Variants in C14orf39 observed in about 807,000 individuals in gnomAD.
C14orf39 encodes chromosome 14 open reading frame 39, also known as protein SIX6OS1.
In C14orf39, 66 loss-of-function variants were observed where a neutral mutation model predicts 85.6. The observed-to-expected ratio is 0.77, with a 90% CI of 0.63 to 0.95. C14orf39 has a LOEUF of 0.95. Ranked by LOEUF, C14orf39 falls within the 40% of genes least tolerant of loss-of-function variation. The pLI is 0.00. For synonymous variants in C14orf39, 242 were observed against 214.0 expected (o/e 1.13, Z -1.14); for missense variants, 735 against 663.9 (o/e 1.11, Z -1.18).
At chr14:60,488,365 A>G (rs968502441), upstream of C14orf39, among the ~76,000 whole-genome samples, 1 of 152,168 alleles carries the variant, frequency 6.6e-6, no homozygotes, top group Non-Finnish European at 1.5e-5. Flanking sequence ...AAAGCAATGA[A>G]GATGCTCCAT....
chr14:60,453,167 C>T (rs1048977195), intron 16 of C14orf39, among the ~76,000 whole-genome samples: 3 of 152,012 alleles, frequency 2.0e-5, no homozygotes, highest in East Asian at 3.8e-4. Context: ...TTAAAACCTC[C>T]AATATGTTTG....
intron 5 of C14orf39, among the ~76,000 whole-genome samples, chr14:60,475,816 T>C (rs555852124): frequency 1.6e-4 from 25 of 152,286 alleles, no homozygotes; most frequent in Middle Eastern, 6.8e-3. Flanking sequence ...TCTTATCAAA[T>C]ACTTAGTTTC....
intron 4 of C14orf39, among the ~76,000 whole-genome samples, chr14:60,481,758 T>C (rs1193910857): frequency 2.0e-5 from 3 of 152,214 alleles, no homozygotes; most frequent in African/African-American, 7.2e-5. Flanking sequence ...ATTTTTTTCA[T>C]TTTGGTATTT....
In C14orf39 at chr14:60,484,988, T is replaced by A; in HGVS notation, c.49+42A>T. The A allele has an allele frequency of 6.3e-7, 1 of 1,584,928 alleles. No individual in the cohort carries two copies. Among genetic ancestry groups the A allele is most frequent in the Non-Finnish European group, 8.6e-7 (1 of 1,168,618 alleles). ...TTCAATTCATTGTTAAAATATCAAA[T>A]GATCATACAAAAAGCTACCTATTTT... On this transcript the variant is annotated intron_variant, in intron 2 of 17. Coordinates refer to ENST00000321731, the MANE Select transcript of C14orf39 (RefSeq NM_174978.3). The surrounding 1 kb of genome is among the most constrained non-coding windows in gnomAD (Gnocchi z 4.2).
intron 5 of C14orf39, among the ~76,000 whole-genome samples, chr14:60,476,955 A>C (rs1188115816): frequency 1.3e-5 from 2 of 152,186 alleles, no homozygotes; most frequent in Non-Finnish European, 2.9e-5. Flanking sequence ...ATTCGTGCCT[A>C]TATCTAACAA....
At chr14:60,468,332 C>T (rs1891896258) in intron 9 of C14orf39, 113 bp downstream of exon 9, 2 of 516,048 alleles carry the variant, frequency 3.9e-6, no homozygotes, top group East Asian at 6.9e-5. Context: ...GCCTGCACAA[C>T]AAAATTTACA....
At chr14:60,496,343 A>G in intron 2 of C14orf39, 1 of 356,230 alleles carries the variant, frequency 2.8e-6, no homozygotes, top group Non-Finnish European at 5.6e-6. Context: ...TAGTGCCTGA[A>G]GAGTCACATT....
At position 60,469,516 on chromosome 14, in the gene C14orf39, T is replaced by C. The variant is rs1370443680; in HGVS notation, c.675+17A>G. On this transcript the variant is annotated intron_variant, in intron 8 of 17. Coordinates refer to ENST00000321731, the MANE Select transcript of C14orf39 (RefSeq NM_174978.3). ...TACATTAATACACATATTAGAAATA[T>C]ATAACAAAATATATACCTGGTTTAA... 6 of 1,161,690 alleles carry C rather than the reference T, an allele frequency of 5.2e-6. No homozygotes were observed. Among genetic ancestry groups the C allele is most frequent in the Non-Finnish European group, 7.1e-6 (6 of 847,530 alleles). The allele number at this position is 1,161,690 out of a possible 1,614,324, so 72.0% of individuals were successfully genotyped here.
intron 11 of C14orf39, 107 bp from the exon 12 acceptor site, chr14:60,461,700 C>A: frequency 1.8e-6 from 1 of 554,706 alleles, no homozygotes; most frequent in East Asian, 3.0e-5. Flanking sequence ...TTCATCCTTT[C>A]CATCATTACC....
chr14:60,449,794 T>C (rs1200821178), intron 16 of C14orf39, among the ~76,000 whole-genome samples: 1 of 152,272 alleles, frequency 6.6e-6, no homozygotes, highest in African/African-American at 2.4e-5. Flanking sequence ...CTTAGGTCAC[T>C]GATTTTAGGC....
At chr14:60,490,195 T>C (rs541705136), upstream of C14orf39, among the ~76,000 whole-genome samples, 11 of 152,316 alleles carry the variant, frequency 7.2e-5, no homozygotes, top group South Asian at 1.9e-3. Flanking sequence ...GCAACCACTA[T>C]ACAGGTGACT....
chr14:60,478,447 G>A (rs974210095), intron 4 of C14orf39, 58 bp from the exon 5 acceptor site: 2 of 813,378 alleles, frequency 2.5e-6, no homozygotes, highest in Non-Finnish European at 3.8e-6. Flanking sequence ...AATTGATAGA[G>A]ATAATAAAAA....
chr14:60,471,666 G>C lies in C14orf39; in HGVS notation c.397C>G (p.Pro133Ala), dbSNP rs1274594610. Residue 133 changes from proline to alanine, a missense_variant, in exon 6 of 18, where the codon CCC becomes GCC. By Grantham distance (27) the Pro-to-Ala change is conservative (BLOSUM62 -1). Coordinates refer to ENST00000321731, the MANE Select transcript of C14orf39 (RefSeq NM_174978.3). Reference protein sequence around the residue: ...KQYQLKYSETPFSREYYEKKR... With the variant: ...KQYQLKYSETAFSREYYEKKR... ...TTCTCATAATATTCACGTGAAAAGG[G>C]TGTTTCTGAGTATTTTAGTTGGTAC... 12 of 1,607,522 alleles carry C rather than the reference G, an allele frequency of 7.5e-6. No individual in the cohort carries two copies. Among genetic ancestry groups the C allele is most frequent in the Admixed American group, 1.7e-5 (1 of 59,416 alleles).
chr14:60,505,125 A>G (rs1893186653), intron 1 of C14orf39, among the ~76,000 whole-genome samples: 1 of 152,240 alleles, frequency 6.6e-6, no homozygotes. Flanking sequence ...TAGGAAATCT[A>G]CAAACATTGC....
At position 60,484,723 on chromosome 14, in the gene C14orf39, A is replaced by G. The variant is rs547054392; in HGVS notation, c.106+158T>C. Among the ~76,000 whole-genome samples the G allele has an allele frequency of 3.0e-4, 46 of 152,340 alleles. No homozygotes were observed. The highest frequency in any genetic ancestry group is 1.1e-3 in the African/African-American group (46 of 41,584). On this transcript the variant is annotated intron_variant, in intron 3 of 17. Transcript: ENST00000321731. The surrounding 1 kb of genome is among the most constrained non-coding windows in gnomAD (Gnocchi z 4.2). ...TATCAAACAACTATAGTTAAGTCAC[A>G]TCTATTTCGTCTAGGGTAAATAGTT...
At chr14:60,448,000 C>A (rs558096851) in intron 16 of C14orf39, among the ~76,000 whole-genome samples, 1 of 152,158 alleles carries the variant, frequency 6.6e-6, no homozygotes, top group Non-Finnish European at 1.5e-5. Flanking sequence ...ATGTAGAAAG[C>A]TGAAACTGGA....
In C14orf39 at chr14:60,473,643, C is replaced by T. The variant is rs562150913; in HGVS notation, c.324-1904G>A. On this transcript the variant is annotated intron_variant, in intron 5 of 17. Coordinates refer to ENST00000321731, the MANE Select transcript of C14orf39 (RefSeq NM_174978.3). ...TATGGCTAGCCAGTTTTCCCAGCACCATTTATTAAATAGGGAATCCTTTCC... is the reference window on the plus strand; with the variant it reads ...TATGGCTAGCCAGTTTTCCCAGCACTATTTATTAAATAGGGAATCCTTTCC... 1.1e-3 allele frequency among the ~76,000 whole-genome samples: 168 copies of T among 152,276 alleles called. 1 individual carries two copies. The highest frequency in any genetic ancestry group is 4.0e-3 in the African/African-American group (166 of 41,552).
upstream of C14orf39, among the ~76,000 whole-genome samples, chr14:60,490,852 T>C (rs919869028): frequency 2.6e-5 from 4 of 152,150 alleles, no homozygotes; most frequent in African/African-American, 9.7e-5. Flanking sequence ...TCTATCTTAC[T>C]TTAACTGTCA....
intron 16 of C14orf39, among the ~76,000 whole-genome samples, chr14:60,451,961 TA>T (rs1207427932): frequency 6.6e-6 from 1 of 151,250 alleles, no homozygotes; most frequent in Non-Finnish European, 1.5e-5. Flanking sequence ...GGCAGGCAGA[TA>T]ACGAGGTCAG....
Sources: gnomAD v4.1 joint callset for allele counts (sites outside exome capture counted in the v4.1 genomes callset) on GRCh38, gnomAD v4.1.1 for gene constraint, Gnocchi (gnomAD v3.1) non-coding constraint, MANE v1.5 for transcripts, NCBI Gene and HGNC (gene_info 2026-07-23, HGNC 2026-07-21) for gene names.